The following HNF1B variants were observed in gnomAD, a reference collection of about 807,000 sequenced individuals.
HNF1B encodes the protein HNF1 homeobox B.
Under a neutral mutation model 61.7 loss-of-function variants are expected in HNF1B, and 8 were observed. The ratio of observed to expected loss-of-function variants is 0.13; its 90% CI spans 0.08 to 0.23. The LOEUF (loss-of-function observed/expected upper bound fraction) is 0.23. Ranked by LOEUF, HNF1B falls within the 10% of genes least tolerant of loss-of-function variation. The probability of loss-of-function intolerance (pLI) is 1.00; values close to 1 mark genes in which losing one functional copy is unlikely to be tolerated. For missense variants in HNF1B, 562 were observed against 714.5 expected, an observed-to-expected ratio of 0.79 and a Z score of 2.43; for synonymous variants, 314 against 287.7, an observed-to-expected ratio of 1.09 and a Z score of -0.93.
At chr17:37,708,058 TC>T in intron 5 of HNF1B, among the ~76,000 whole-genome samples, 1 of 152,246 alleles carries the variant, frequency 6.6e-6, no homozygotes, top group South Asian at 2.1e-4. Flanking sequence ...GGCATCATTA[TC>T]CCCCATTTTA....
At chr17:37,704,643 T>C (rs1434528555) in intron 6 of HNF1B, among the ~76,000 whole-genome samples, 3 of 152,210 alleles carry the variant, frequency 2.0e-5, no homozygotes, top group African/African-American at 7.2e-5. Flanking sequence ...GATGAGGACA[T>C]TGAATCTCCT....
intron 5 of HNF1B, among the ~76,000 whole-genome samples, chr17:37,709,505 C>T (rs576254596): frequency 6.6e-6 from 1 of 152,250 alleles, no homozygotes; most frequent in East Asian, 1.9e-4. Context: ...ATCCACCTGC[C>T]TCAGTCTCCC....
intron 8 of HNF1B, among the ~76,000 whole-genome samples, chr17:37,694,161 C>A (rs1427937564): frequency 1.3e-5 from 2 of 152,194 alleles, no homozygotes; most frequent in Non-Finnish European, 2.9e-5. Flanking sequence ...GGTGCAGTGG[C>A]TCACGCCTGT....
chr17:37,719,027 T>A (rs1055670412), intron 4 of HNF1B, among the ~76,000 whole-genome samples: 3 of 152,170 alleles, frequency 2.0e-5, no homozygotes, highest in Non-Finnish European at 2.9e-5. Context: ...AGCCTTGAAC[T>A]CCTGGGCTCA....
chr17:37,710,988 G>C (rs1243583541), intron 4 of HNF1B, among the ~76,000 whole-genome samples: 2 of 152,238 alleles, frequency 1.3e-5, no homozygotes, highest in African/African-American at 4.8e-5. Context: ...GATTCTGTTT[G>C]TTATTGCTTC....
At chr17:37,714,430 C>T (rs1262486735) in intron 4 of HNF1B, among the ~76,000 whole-genome samples, 1 of 152,154 alleles carries the variant, frequency 6.6e-6, no homozygotes, top group Non-Finnish European at 1.5e-5. Context: ...TATTGATTAA[C>T]CAAAGATGCC....
intron 4 of HNF1B, among the ~76,000 whole-genome samples, chr17:37,726,936 G>C (rs1040947120): frequency 1.3e-5 from 2 of 152,142 alleles, no homozygotes; most frequent in African/African-American, 4.8e-5. Context: ...GCGTGGGAGA[G>C]CGGAGGCTGA....
chr17:37,732,841 GT>G (rs1254597443), intron 3 of HNF1B, among the ~76,000 whole-genome samples: 1 of 124,274 alleles, frequency 8.0e-6, no homozygotes, highest in Non-Finnish European at 1.7e-5. Context: ...TTGTTTTTTT[GT>G]TTTTTTGTTT....
chr17:37,729,209 C>G (rs777227533), intron 4 of HNF1B: 4 of 152,130 alleles, frequency 2.6e-5, no homozygotes, highest in Non-Finnish European at 4.4e-5. Context: ...CATAACTACA[C>G]TCAGAGAAAG....
At chr17:37,726,622 T>A (rs2033507107) in intron 4 of HNF1B, among the ~76,000 whole-genome samples, 1 of 152,122 alleles carries the variant, frequency 6.6e-6, no homozygotes, top group Admixed American at 6.5e-5. Flanking sequence ...TCAGGTAACC[T>A]GGGAGGGGCT....
intron 2 of HNF1B, among the ~76,000 whole-genome samples, chr17:37,734,320 G>A (rs2033774017): frequency 6.6e-6 from 1 of 152,116 alleles, no homozygotes; most frequent in African/African-American, 2.4e-5. Context: ...CAGGTTTTTA[G>A]AAAAACCCCA....
chr17:37,714,821 G>A (rs2033051403), intron 4 of HNF1B, among the ~76,000 whole-genome samples: 2 of 152,086 alleles, frequency 1.3e-5, no homozygotes, highest in Admixed American at 1.3e-4. Flanking sequence ...ACCGTCTCTA[G>A]GGTCCTTTCA....
chr17:37,695,979 G>A (rs1300635971), intron 8 of HNF1B, among the ~76,000 whole-genome samples: 1 of 152,194 alleles, frequency 6.6e-6, no homozygotes, highest in Non-Finnish European at 1.5e-5. Context: ...AGAAGGACAT[G>A]AGATTTGGGA....
Position 37,717,746 on chromosome 17 carries a change from A to T in HNF1B, c.1046-7083T>A, listed in dbSNP as rs144324290. ...AGAATGTGAACAATTCCCTGGCTTG[A>T]AATTGAGAACTCCAGAAATGAAAGC... On this transcript the variant is annotated intron_variant, in intron 4 of 8. Transcript: ENST00000617811. 1.0e-3 allele frequency among the ~76,000 whole-genome samples: 153 copies of T among 152,376 alleles called. 1 individual carries two copies. The Middle Eastern group carries it at 0.014, about 14-fold the overall frequency.
intron 4 of HNF1B, among the ~76,000 whole-genome samples, chr17:37,723,038 T>A (rs916163112): frequency 1.6e-4 from 24 of 152,028 alleles, no homozygotes; most frequent in Non-Finnish European, 3.2e-4. Context: ...TCACACCTCC[T>A]TTAATTAAAA....
At chr17:37,690,510 G>A (rs1212250665) in intron 8 of HNF1B, among the ~76,000 whole-genome samples, 1 of 152,206 alleles carries the variant, frequency 6.6e-6, no homozygotes, top group Non-Finnish European at 1.5e-5. Context: ...GGCCACCTAA[G>A]GAGATCAGGG....
intron 4 of HNF1B, among the ~76,000 whole-genome samples, chr17:37,713,625 G>A (rs1338177180): frequency 6.6e-6 from 1 of 152,206 alleles, no homozygotes; most frequent in Non-Finnish European, 1.5e-5. Context: ...GCTGGAAACT[G>A]GGGGATCCCT....
At chr17:37,704,244 A>C (rs1166954922) in intron 6 of HNF1B, among the ~76,000 whole-genome samples, 1 of 152,262 alleles carries the variant, frequency 6.6e-6, no homozygotes, top group Non-Finnish European at 1.5e-5. Flanking sequence ...CTTGCTGTTG[A>C]ATATGAGCCT....
chr17:37,688,377 C>CGAAACA (rs2032053865), intron 8 of HNF1B, among the ~76,000 whole-genome samples: 1 of 66,278 alleles, frequency 1.5e-5, no homozygotes, highest in Non-Finnish European at 2.9e-5. Context: ...CAAGATCCCC[C>CGAAACA]CAAACACACA....
Sources: gnomAD v4.1 joint callset for allele counts (sites outside exome capture counted in the v4.1 genomes callset) on GRCh38, gnomAD v4.1.1 for gene constraint, MANE v1.5 for transcripts, NCBI Gene and HGNC (gene_info 2026-07-23, HGNC 2026-07-21) for gene names.